The following MACROD2 variants were observed in gnomAD, a reference collection of about 807,000 sequenced individuals.
MACROD2 encodes ADP-ribose glycohydrolase MACROD2.
MACROD2 carries 36 observed loss-of-function variants against 70.4 expected under a neutral mutation model. The observed-to-expected ratio is 0.51, with a 90% CI of 0.39 to 0.68. The LOEUF (loss-of-function observed/expected upper bound fraction) is 0.68, where lower values mean the gene tolerates loss of function less well. Among genes scored for constraint, MACROD2 ranks in the 30% least tolerant of loss-of-function variants. MACROD2 has a pLI of 0.00. For synonymous variants in MACROD2, 172 were observed against 178.8 expected (o/e 0.96, Z 0.30); for missense variants, 496 against 538.4 (o/e 0.92, Z 0.78).
At chr20:15,575,760 C>CT (rs1287444314) in intron 8 of MACROD2, among the ~76,000 whole-genome samples, 1 of 152,150 alleles carries the variant, frequency 6.6e-6, no homozygotes, top group Non-Finnish European at 1.5e-5. Flanking sequence ...TTTTCACAGA[C>CT]TGGGCACATC....
At chr20:14,592,124 A>G (rs1222809855) in intron 4 of MACROD2, among the ~76,000 whole-genome samples, 1 of 152,200 alleles carries the variant, frequency 6.6e-6, no homozygotes, top group African/African-American at 2.4e-5. Context: ...ATGGATTTGG[A>G]TAGGAAGGGT....
At position 14,341,539 on chromosome 20, in the gene MACROD2, T is replaced by C. The variant is rs181889128; in HGVS notation, c.272-151940T>C. Among the ~76,000 whole-genome samples the C allele has an allele frequency of 1.5e-3, 233 of 152,280 alleles. 3 individuals carry two copies. Among genetic ancestry groups the C allele is most frequent in the African/African-American group, 5.2e-3 (218 of 41,562 alleles). ...CTGTAATCCCAGCTACTTGGGAGGC[T>C]GAGGCAAGAGAACCACTTGAACCCA... is the stretch of plus-strand genomic sequence containing the variant. On this transcript the variant is annotated intron_variant, in intron 3 of 17. Coordinates refer to ENST00000684519, the MANE Select transcript of MACROD2 (RefSeq NM_001351661.2).
At chr20:14,957,101 T>A (rs970755277) in intron 5 of MACROD2, among the ~76,000 whole-genome samples, 2 of 152,100 alleles carry the variant, frequency 1.3e-5, no homozygotes, top group African/African-American at 4.8e-5. Flanking sequence ...TATCAATGAT[T>A]TTTTTTAGTA....
Position 14,272,231 on chromosome 20 carries a change from A to G in MACROD2, c.271+186503A>G, listed in dbSNP as rs200095532. 2.5e-3 allele frequency among the ~76,000 whole-genome samples: 383 copies of G among 152,198 alleles called. 3 individuals carry two copies. Among genetic ancestry groups the G allele is most frequent in the Non-Finnish European group, 3.5e-3 (237 of 68,002 alleles). Reference sequence around the variant, plus strand: ...GTTGAAATGAAGGAAAAAATGTTAAAGGCAGCCAGAGAGAAAGGTCGGGTT... The same window carrying G: ...GTTGAAATGAAGGAAAAAATGTTAAGGGCAGCCAGAGAGAAAGGTCGGGTT... On this transcript the variant is annotated intron_variant, in intron 3 of 17. Coordinates refer to ENST00000684519, the MANE Select transcript of MACROD2 (RefSeq NM_001351661.2).
At chr20:14,739,904 C>T (rs1242965328) in intron 5 of MACROD2, among the ~76,000 whole-genome samples, 1 of 151,766 alleles carries the variant, frequency 6.6e-6, no homozygotes, top group African/African-American at 2.4e-5. Context: ...TAAGGTAGGG[C>T]ATGGATAGGG....
intron 5 of MACROD2, among the ~76,000 whole-genome samples, chr20:14,816,486 A>G (rs967502892): frequency 6.6e-6 from 1 of 152,008 alleles, no homozygotes; most frequent in Non-Finnish European, 1.5e-5. Context: ...AAGCTTATGT[A>G]CTCCTTAACA....
chr20:15,360,223 G>A (rs535994932), intron 6 of MACROD2, among the ~76,000 whole-genome samples: 8 of 152,114 alleles, frequency 5.3e-5, no homozygotes, highest in Non-Finnish European at 1.0e-4. Flanking sequence ...TCAATAGTAT[G>A]GGCATATCAT....
intron 5 of MACROD2, among the ~76,000 whole-genome samples, chr20:15,036,130 CTAGT>C (rs143650407): frequency 0.018 from 2,766 of 152,260 alleles, 36 homozygotes; most frequent in Middle Eastern, 0.041. Context: ...ATCAGTCTCT[CTAGT>C]TAGTTCTAAT....
chr20:15,899,205 T>G (rs1304009195), intron 10 of MACROD2, among the ~76,000 whole-genome samples: 1 of 152,070 alleles, frequency 6.6e-6, no homozygotes. Flanking sequence ...TTTACTTATC[T>G]AATCACACAG....
intron 3 of MACROD2, among the ~76,000 whole-genome samples, chr20:14,473,688 T>C (rs2084556384): frequency 6.6e-6 from 1 of 152,230 alleles, no homozygotes; most frequent in African/African-American, 2.4e-5. Context: ...AAGGATCATA[T>C]GGTAGTTCTA....
intron 3 of MACROD2, among the ~76,000 whole-genome samples, chr20:14,369,903 T>C (rs2083306938): frequency 1.3e-5 from 2 of 152,198 alleles, no homozygotes; most frequent in African/African-American, 4.8e-5. Context: ...ATTTCAAAAA[T>C]AATCTTTTTG....
chr20:14,783,465 T>C (rs1370865634), intron 5 of MACROD2, among the ~76,000 whole-genome samples: 2 of 152,164 alleles, frequency 1.3e-5, no homozygotes, highest in Admixed American at 1.3e-4. Flanking sequence ...TCCTCATAAT[T>C]TCACTTTTTC....
intron 5 of MACROD2, among the ~76,000 whole-genome samples, chr20:14,868,192 CTT>C (rs377525277): frequency 6.9e-6 from 1 of 144,400 alleles, no homozygotes. Flanking sequence ...TTCTTTCTTT[CTT>C]TTTTTTTTTA....
At chr20:15,051,117 C>A (rs1013617796) in intron 5 of MACROD2, among the ~76,000 whole-genome samples, 11 of 145,530 alleles carry the variant, frequency 7.6e-5, no homozygotes, top group African/African-American at 2.7e-4. Flanking sequence ...ACCCACTTTT[C>A]TGTCTGATTT....
At chr20:14,281,193 A>G (rs568098042) in intron 3 of MACROD2, among the ~76,000 whole-genome samples, 100 of 152,340 alleles carry the variant, frequency 6.6e-4, no homozygotes, top group Non-Finnish European at 1.3e-3. Context: ...CAGCTGATCA[A>G]TGGATAAATC....
chr20:15,229,247 A>G (rs969442064), intron 5 of MACROD2, among the ~76,000 whole-genome samples: 13 of 152,210 alleles, frequency 8.5e-5, no homozygotes, highest in Admixed American at 7.9e-4. Flanking sequence ...TTCAACATAA[A>G]TAGGAGTTGA....
chr20:14,215,054 A>C (rs1020017625), intron 3 of MACROD2, among the ~76,000 whole-genome samples: 1 of 148,526 alleles, frequency 6.7e-6, no homozygotes, highest in African/African-American at 2.5e-5. Context: ...TCATATATAT[A>C]TATTCCATCA....
Position 14,230,699 on chromosome 20 carries a change from A to T in MACROD2, c.271+144971A>T, listed in dbSNP as rs566870600. Among the ~76,000 whole-genome samples the T allele has an allele frequency of 6.2e-5, 7 of 113,230 alleles. 1 individual carries two copies. The highest frequency in any genetic ancestry group is 2.8e-4 in the Admixed American group (3 of 10,628). The allele number at this position is 113,230 out of a possible 152,430, so 74.3% of individuals were successfully genotyped here. Reference sequence around the variant, plus strand: ...TATATATATATATATATATATATATATGGGCCCAGCCTATGTTATAATTTG... The same window carrying T: ...TATATATATATATATATATATATATTTGGGCCCAGCCTATGTTATAATTTG... On this transcript the variant is annotated intron_variant, in intron 3 of 17. Transcript: ENST00000684519.
chr20:15,755,182 T>A (rs2051330699), intron 8 of MACROD2, among the ~76,000 whole-genome samples: 1 of 152,142 alleles, frequency 6.6e-6, no homozygotes, highest in Non-Finnish European at 1.5e-5. Context: ...TCTAAGAAGT[T>A]ACCAGGAGAC....
Sources: allele counts gnomAD v4.1 joint callset (sites outside exome capture counted in the v4.1 genomes callset), GRCh38; gene constraint gnomAD v4.1.1; transcripts MANE v1.5; gene names NCBI Gene and HGNC (gene_info 2026-07-23, HGNC 2026-07-21).